The following DYSF variants were observed in gnomAD, a reference collection of about 807,000 sequenced individuals.
The protein encoded by DYSF is dysferlin.
DYSF carries 212 observed loss-of-function variants against 274.9 expected under a neutral mutation model. The ratio of observed to expected loss-of-function variants is 0.77; its 90% CI spans 0.69 to 0.86. The LOEUF is 0.86. Among genes scored for constraint, DYSF ranks in the 40% least tolerant of loss-of-function variants. The pLI is 0.00. For missense variants in DYSF, 2,666 were observed against 2,783.2 expected (o/e 0.96, Z 0.95); for synonymous variants, 1,091 against 1,078.7 (o/e 1.01, Z -0.22).
chr2:71,545,091 G>A (rs2090358958), intron 17 of DYSF, among the ~76,000 whole-genome samples: 1 of 152,204 alleles, frequency 6.6e-6, no homozygotes, highest in South Asian at 2.1e-4. Context: ...ATCAAGGAAG[G>A]CTTCTAGGAG....
At chr2:71,626,572 A>G (rs905233250) in intron 41 of DYSF, among the ~76,000 whole-genome samples, 8 of 151,850 alleles carry the variant, frequency 5.3e-5, no homozygotes, top group African/African-American at 1.9e-4. Context: ...TTCTGAAACA[A>G]TCTAAGCTGA....
intron 40 of DYSF, 111 bp downstream of exon 40, chr2:71,613,521 C>G: frequency 1.0e-6 from 1 of 962,434 alleles, no homozygotes; most frequent in Non-Finnish European, 1.6e-6. Flanking sequence ...TATACACATC[C>G]CCTTCTGGGC....
At chr2:71,482,765 A>G (rs1361043288) in intron 3 of DYSF, among the ~76,000 whole-genome samples, 1 of 152,066 alleles carries the variant, frequency 6.6e-6, no homozygotes, top group Non-Finnish European at 1.5e-5. Flanking sequence ...TCAGAGTGGG[A>G]GTCCGGTTGT....
chr2:71,668,683 C>A, intron 48 of DYSF, 71 bp from the exon 49 acceptor site: 1 of 1,454,876 alleles, frequency 6.9e-7, no homozygotes, highest in Non-Finnish European at 9.5e-7. Flanking sequence ...CAGCATCTGG[C>A]CCAGAGCAGG....
At chr2:71,677,263 G>A (rs1179921604) in intron 52 of DYSF, among the ~76,000 whole-genome samples, 1 of 152,162 alleles carries the variant, frequency 6.6e-6, no homozygotes, top group African/African-American at 2.4e-5. Context: ...TATATTTAAT[G>A]TTCGGTTATA....
At chr2:71,463,627 T>C (rs756615397), upstream of DYSF, among the ~76,000 whole-genome samples, 1 of 152,230 alleles carries the variant, frequency 6.6e-6, no homozygotes, top group Non-Finnish European at 1.5e-5. Context: ...CCAGGCAGGC[T>C]CCATGTTTCT....
chr2:71,582,586 G>A (rs905296889), intron 30 of DYSF, among the ~76,000 whole-genome samples: 2 of 152,220 alleles, frequency 1.3e-5, no homozygotes, highest in Admixed American at 6.5e-5. Context: ...CTATAGTGAA[G>A]AGAGTGAAGA....
chr2:71,649,137 CAAAAAAAA>C (rs376775027), intron 42 of DYSF, among the ~76,000 whole-genome samples: 2 of 89,738 alleles, frequency 2.2e-5, no homozygotes, highest in Admixed American at 1.5e-4. Flanking sequence ...ACTTTGTCTC[CAAAAAAAA>C]AAAAAAAAAA....
chr2:71,501,650 T>C (rs921430625), intron 3 of DYSF, among the ~76,000 whole-genome samples: 19 of 152,256 alleles, frequency 1.2e-4, no homozygotes, highest in African/African-American at 4.6e-4. Context: ...AGCTACCTCA[T>C]ACAATATTTG....
chr2:71,503,165 C>A, intron 3 of DYSF, 49 bp from the exon 4 acceptor site: 1 of 1,554,818 alleles, frequency 6.4e-7, no homozygotes, highest in Non-Finnish European at 8.9e-7. Flanking sequence ...GCAGAAGAGC[C>A]AGGGTGCCTT....
At chr2:71,510,897 T>C (rs1286244484) in intron 4 of DYSF, among the ~76,000 whole-genome samples, 2 of 152,216 alleles carry the variant, frequency 1.3e-5, no homozygotes, top group Non-Finnish European at 2.9e-5. Context: ...GAATGTGGAG[T>C]CACGGAATTA....
chr2:71,526,453 G>A, intron 13 of DYSF, 107 bp downstream of exon 13: 1 of 1,467,924 alleles, frequency 6.8e-7, no homozygotes, highest in Non-Finnish European at 9.1e-7. Flanking sequence ...GGAAGGAGAG[G>A]CGTCTAGGAA....
At chr2:71,543,930 GGGAGAGGGAGAGGGAGAC>G (rs1203026499) in intron 17 of DYSF, among the ~76,000 whole-genome samples, 417 of 139,526 alleles carry the variant, frequency 3.0e-3, no homozygotes, top group Non-Finnish European at 4.2e-3. Flanking sequence ...GAGAAGGAGA[GGGAGAGGGAGAGGGAGAC>G]GGAGAGGGAG....
At chr2:71,481,004 G>C in intron 2 of DYSF, 66 bp downstream of exon 2, 2 of 1,511,930 alleles carry the variant, frequency 1.3e-6, no homozygotes, top group Admixed American at 3.4e-5. Context: ...GGACAAGTTA[G>C]GGGGCTTGTG....
chr2:71,549,536 C>A (rs2090771397), intron 17 of DYSF: 2 of 767,900 alleles, frequency 2.6e-6, no homozygotes, highest in African/African-American at 1.8e-5. Context: ...CTGGACTTAC[C>A]TTTGCTGTCA....
chr2:71,534,872 C>T (rs1001672762), intron 14 of DYSF, 149 bp from the exon 15 acceptor site: 6 of 757,440 alleles, frequency 7.9e-6, no homozygotes, highest in African/African-American at 3.4e-5. Context: ...GTATGAACCC[C>T]CTGCACTAGG....
intron 4 of DYSF, among the ~76,000 whole-genome samples, chr2:71,508,348 G>T (rs1468311464): frequency 6.6e-6 from 1 of 152,088 alleles, no homozygotes; most frequent in Non-Finnish European, 1.5e-5. Flanking sequence ...CAGCACTCTC[G>T]TCTAATCCCC....
At chr2:71,578,999 C>A (rs1328421835) in intron 30 of DYSF, among the ~76,000 whole-genome samples, 1 of 152,180 alleles carries the variant, frequency 6.6e-6, no homozygotes, top group Non-Finnish European at 1.5e-5. Context: ...TCCAAAGACA[C>A]CGGGTTTCAT....
chr2:71,578,847 C>T (rs2092796278), intron 30 of DYSF, among the ~76,000 whole-genome samples: 1 of 152,242 alleles, frequency 6.6e-6, no homozygotes, highest in African/African-American at 2.4e-5. Flanking sequence ...GCAGCCTTTC[C>T]CTGAAACCTT....
Sources: allele counts gnomAD v4.1 joint callset (sites outside exome capture counted in the v4.1 genomes callset), GRCh38; gene constraint gnomAD v4.1.1; transcripts MANE v1.5; gene names NCBI Gene and HGNC (gene_info 2026-07-23, HGNC 2026-07-21).